Variants in IGSF10 observed in about 807,000 individuals in gnomAD.
IGSF10 encodes calvaria mechanical force protein 608.
Under a neutral mutation model 128.2 loss-of-function variants are expected in IGSF10, and 126 were observed. That is an observed-to-expected ratio of 0.98 (90% CI 0.85 to 1.14). The LOEUF is 1.14. Among genes scored for constraint, IGSF10 ranks in the 50% most tolerant of loss-of-function variants. IGSF10 has a pLI of 0.00. For missense variants in IGSF10, 3,295 were observed against 3,149.8 expected, an observed-to-expected ratio of 1.05 and a Z score of -1.10; for synonymous variants, 1,185 against 1,146.2, an observed-to-expected ratio of 1.03 and a Z score of -0.68.
Position 151,438,090 on chromosome 3 carries a change from G to GTCTC in IGSF10, c.6467_6470dup (p.Asp2157GlufsTer7), listed in dbSNP as rs1420717281. 1.2e-6 allele frequency: 2 copies of GTCTC among 1,614,062 alleles called. No homozygotes were observed. Among genetic ancestry groups the GTCTC allele is most frequent in the African/African-American group, 2.7e-5 (2 of 74,918 alleles). On this transcript the variant is annotated frameshift_variant, in exon 8 of 8. Transcript: ENST00000282466. LOFTEE classifies it low-confidence loss of function (END_TRUNC). ...TGACCTCACAGTCAAGGACAGCTGT[G>GTCTC]TCTCCAGCTTTGATTCTCTTGTTGG...
chr3:151,435,836 A>T (rs1485113682), downstream of IGSF10: 2 of 146,610 alleles, frequency 1.4e-5, no homozygotes, highest in Admixed American at 7.0e-5. Context: ...TATATATAAT[A>T]GACCTAGACC....
At chr3:151,515,169 G>T in the IGSF10 span, among the ~76,000 whole-genome samples, 1 of 151,946 alleles carries the variant, frequency 6.6e-6, no homozygotes, top group Non-Finnish European at 1.5e-5. Flanking sequence ...ACATGCACAC[G>T]TATGTTTATT....
the IGSF10 span, among the ~76,000 whole-genome samples, chr3:151,570,947 A>G: frequency 4.2e-3 from 647 of 152,300 alleles, 1 homozygote; most frequent in African/African-American, 0.014. Flanking sequence ...TCAGCTTTCT[A>G]CATATGGCTA....
At chr3:151,586,799 A>G in the IGSF10 span, among the ~76,000 whole-genome samples, 2 of 152,170 alleles carry the variant, frequency 1.3e-5, no homozygotes, top group Non-Finnish European at 2.9e-5. Flanking sequence ...TTGTTCTTTA[A>G]AGTCAACCTA....
At chr3:151,540,828 A>C in the IGSF10 span, among the ~76,000 whole-genome samples, 3 of 152,322 alleles carry the variant, frequency 2.0e-5, no homozygotes, top group African/African-American at 7.2e-5. Flanking sequence ...CAATCCCTGC[A>C]ATCTGTGAAT....
rs1721171745 is a variant in IGSF10, at chr3:151,446,119, C to T, written c.3862G>A (p.Glu1288Lys). 2 of 1,614,124 alleles carry T rather than the reference C, an allele frequency of 1.2e-6. No homozygotes were observed. Among genetic ancestry groups the T allele is most frequent in the East Asian group, 4.5e-5 (2 of 44,878 alleles). ...GGGTTAAGGGGTGGGAAGGGAAGCT[C>T]CTTCTTTGTTGGAAGACTTCCAGGA... ...HNPGSLPTKK[E>K]LPFPPLNPML... Residue 1288 changes from glutamate to lysine, a missense_variant, in exon 6 of 8, where the codon GAG (glutamate) becomes AAG (lysine). Glu to Lys is a moderately conservative substitution (Grantham distance 56, BLOSUM62 1). Coordinates refer to ENST00000282466, the MANE Select transcript of IGSF10 (RefSeq NM_178822.5).
At chr3:151,492,443 T>C in the IGSF10 span, among the ~76,000 whole-genome samples, 1 of 152,134 alleles carries the variant, frequency 6.6e-6, no homozygotes, top group Non-Finnish European at 1.5e-5. Context: ...TGGAAAACAG[T>C]ATGGAGTTTT....
the IGSF10 span, among the ~76,000 whole-genome samples, chr3:151,471,886 T>C: frequency 9.2e-5 from 14 of 152,326 alleles, no homozygotes; most frequent in African/African-American, 3.1e-4. Flanking sequence ...CCAGCTTCCT[T>C]ACGACGACTT....
chr3:151,576,148 C>T, the IGSF10 span, among the ~76,000 whole-genome samples: 1 of 151,614 alleles, frequency 6.6e-6, no homozygotes. Context: ...CCAGTTTCTG[C>T]TATATCAAGT....
At chr3:151,603,020 T>A in the IGSF10 span, among the ~76,000 whole-genome samples, 1 of 152,234 alleles carries the variant, frequency 6.6e-6, no homozygotes, top group Non-Finnish European at 1.5e-5. Flanking sequence ...TTATTTCATA[T>A]CTTTTTTAAA....
the IGSF10 span, among the ~76,000 whole-genome samples, chr3:151,586,782 G>A: frequency 3.9e-5 from 6 of 152,076 alleles, no homozygotes; most frequent in Admixed American, 3.3e-4. Context: ...TGAAATAAAA[G>A]GTGTCCTTGT....
the IGSF10 span, among the ~76,000 whole-genome samples, chr3:151,549,914 G>A: frequency 4.6e-5 from 7 of 151,846 alleles, no homozygotes; most frequent in African/African-American, 1.7e-4. Flanking sequence ...TTTCTGAGTG[G>A]CATATTGAAA....
chr3:151,496,205 T>A, the IGSF10 span, among the ~76,000 whole-genome samples: 1 of 40,586 alleles, frequency 2.5e-5, no homozygotes, highest in African/African-American at 1.4e-4. Flanking sequence ...TGAAGCAGTA[T>A]TTTTTTTTAT....
chr3:151,490,453 G>T, the IGSF10 span, among the ~76,000 whole-genome samples: 1 of 150,832 alleles, frequency 6.6e-6, no homozygotes, highest in Admixed American at 6.6e-5. Context: ...ATTCAACAAT[G>T]GATAGATCAA....
chr3:151,616,983 G>T, the IGSF10 span, among the ~76,000 whole-genome samples: 1 of 152,178 alleles, frequency 6.6e-6, no homozygotes. Flanking sequence ...AGGCAAGGCT[G>T]CCTGAAGCCT....
At chr3:151,516,324 C>T in the IGSF10 span, among the ~76,000 whole-genome samples, 3 of 152,084 alleles carry the variant, frequency 2.0e-5, no homozygotes, top group Admixed American at 1.3e-4. Context: ...ATCAAGATTA[C>T]TATCACAAGA....
Position 151,458,729 on chromosome 3 carries a change from T to A in IGSF10, c.-1-19A>T. ...CTTCATCCTGAAAAAACATCATACC[T>A]CAGAGTTATAAAGAGTGGTGGAGCA... On this transcript the variant is annotated intron_variant, in intron 2 of 7. Transcript: ENST00000282466. 2 of 1,603,322 alleles carry A rather than the reference T, an allele frequency of 1.2e-6. No homozygotes were observed. Among genetic ancestry groups the A allele is most frequent in the South Asian group, 1.1e-5 (1 of 89,200 alleles).
chr3:151,606,809 T>C, the IGSF10 span, among the ~76,000 whole-genome samples: 4 of 152,338 alleles, frequency 2.6e-5, no homozygotes, highest in East Asian at 5.8e-4. Flanking sequence ...AAGATACTAC[T>C]GATACTTTTT....
the IGSF10 span, among the ~76,000 whole-genome samples, chr3:151,490,189 T>A: frequency 6.6e-6 from 1 of 152,136 alleles, no homozygotes; most frequent in African/African-American, 2.4e-5. Context: ...AGTGAAGGGA[T>A]AGAAGAAGAT....
Sources: allele counts gnomAD v4.1 joint callset (sites outside exome capture counted in the v4.1 genomes callset), GRCh38; gene constraint gnomAD v4.1.1; transcripts MANE v1.5; gene names NCBI Gene and HGNC (gene_info 2026-07-23, HGNC 2026-07-21).